The following GNAO1 variants were observed in gnomAD, a reference collection of about 807,000 sequenced individuals.
GNAO1 encodes the protein G protein subunit alpha o1, also known as guanine nucleotide-binding protein G(o) subunit alpha.
For missense variants in GNAO1, 166 were observed against 478.7 expected, an observed-to-expected ratio of 0.35 and a Z score of 6.10; for synonymous variants, 164 against 180.7, an observed-to-expected ratio of 0.91 and a Z score of 0.74.
chr16:56,278,553 AGTACCTGCTG>A lies in GNAO1; in HGVS notation c.303+2484_303+2493del, dbSNP rs569274635. Among the ~76,000 whole-genome samples, 20 of 152,288 alleles carry A rather than the reference AGTACCTGCTG, an allele frequency of 1.3e-4. No individual in the cohort carries two copies. In the East Asian group the frequency reaches 3.7e-3, roughly 28 times the overall value. ...GACATGCCAGGCCAGAAAGGGCTGC[AGTACCTGCTG>A]GTGTGGGGGCAGCTCAGAGCCAACA... On this transcript the variant is annotated intron_variant, in intron 3 of 8. Transcript: ENST00000262493.
intron 3 of GNAO1, among the ~76,000 whole-genome samples, chr16:56,317,669 G>A (rs1162330739): frequency 2.0e-5 from 3 of 152,146 alleles, no homozygotes; most frequent in African/African-American, 4.8e-5. Context: ...GGTGCACAAG[G>A]TTTGATAGGT....
At chr16:56,192,854 A>G (rs1434626512) in intron 2 of GNAO1, 2 of 551,062 alleles carry the variant, frequency 3.6e-6, no homozygotes, top group African/African-American at 3.8e-5. Flanking sequence ...GAGCGCCTGT[A>G]GTTGTATGAA....
intron 3 of GNAO1, 103 bp downstream of exon 3, chr16:56,276,175 A>T: frequency 1.0e-6 from 1 of 966,280 alleles, no homozygotes; most frequent in South Asian, 1.9e-5. Context: ...ACGAGAAGAG[A>T]CTCCGCTATG....
intron 4 of GNAO1, 128 bp from the exon 5 acceptor site, chr16:56,334,601 T>G: frequency 8.5e-6 from 8 of 940,990 alleles, no homozygotes; most frequent in Admixed American, 4.8e-5. Flanking sequence ...GGAATGGAGG[T>G]GATGTCTTTT....
chr16:56,283,229 A>C (rs539563601), intron 3 of GNAO1, among the ~76,000 whole-genome samples: 1 of 152,166 alleles, frequency 6.6e-6, no homozygotes, highest in Non-Finnish European at 1.5e-5. Context: ...AAGAGACTCA[A>C]GATTTTTCTG....
At position 56,326,078 on chromosome 16, in the gene GNAO1, T is replaced by C. The variant is rs2037629335; in HGVS notation, c.304-2553T>C. On this transcript the variant is annotated intron_variant, in intron 3 of 8. Coordinates refer to ENST00000262493, the MANE Select transcript of GNAO1 (RefSeq NM_020988.3). This position sits in a 1 kb window ranked among gnomAD's most constrained non-coding sequence, Gnocchi z 4.8. ...CCAGGGCCTGGCATGGACTGGAAGC[T>C]GGCCTGGGCTCCACAGGACTCAGGG... 6.6e-6 allele frequency among the ~76,000 whole-genome samples: 1 copy of C among 152,200 alleles called. No homozygotes were observed. The highest frequency in any genetic ancestry group is 1.5e-5 in the Non-Finnish European group (1 of 68,040).
chr16:56,344,458 G>A (rs1439781876), intron 6 of GNAO1: 1 of 997,008 alleles, frequency 1.0e-6, no homozygotes. Flanking sequence ...CTTGGTGTGG[G>A]TTGGAGGACT....
intron 2 of GNAO1, among the ~76,000 whole-genome samples, chr16:56,252,851 T>C (rs1241080043): frequency 2.0e-5 from 3 of 152,122 alleles, no homozygotes; most frequent in East Asian, 3.9e-4. Context: ...CTGTTGCCCT[T>C]GAGTGCATTG....
chr16:56,263,516 A>T (rs150841600), intron 2 of GNAO1, among the ~76,000 whole-genome samples: 10 of 152,310 alleles, frequency 6.6e-5, no homozygotes, highest in African/African-American at 2.4e-4. Context: ...AAAGGCACAG[A>T]ATAATGTAGG....
chr16:56,193,952 G>A, intron 2 of GNAO1: 1 of 365,228 alleles, frequency 2.7e-6, no homozygotes, highest in Non-Finnish European at 5.4e-6. Flanking sequence ...ATTGCATCGC[G>A]TAGGGAAACA....
At chr16:56,202,397 C>T (rs2036289072) in intron 2 of GNAO1, among the ~76,000 whole-genome samples, 1 of 152,052 alleles carries the variant, frequency 6.6e-6, no homozygotes, top group South Asian at 2.1e-4. Flanking sequence ...GAAATGTGGG[C>T]TACAGAAAAA....
At chr16:56,239,032 T>A (rs1486870840) in intron 2 of GNAO1, among the ~76,000 whole-genome samples, 1 of 152,226 alleles carries the variant, frequency 6.6e-6, no homozygotes, top group African/African-American at 2.4e-5. Flanking sequence ...TCTCTGTAAA[T>A]CTCTGGAAGA....
At chr16:56,197,775 T>C (rs1159220142) in intron 2 of GNAO1, among the ~76,000 whole-genome samples, 6 of 152,232 alleles carry the variant, frequency 3.9e-5, no homozygotes, top group Non-Finnish European at 8.8e-5. Context: ...CTTCTTCACA[T>C]GCCACATCTG....
chr16:56,286,324 T>C (rs560901717), intron 3 of GNAO1, among the ~76,000 whole-genome samples: 50 of 152,312 alleles, frequency 3.3e-4, no homozygotes, highest in African/African-American at 1.2e-3. Flanking sequence ...TTAGGACATG[T>C]TGGTTGCAAG....
At chr16:56,295,356 G>A (rs574728325) in intron 3 of GNAO1, among the ~76,000 whole-genome samples, 95 of 152,232 alleles carry the variant, frequency 6.2e-4, no homozygotes, top group Middle Eastern at 6.8e-3. Flanking sequence ...TTTCTGGTGT[G>A]TAATATGAGG....
intron 3 of GNAO1, among the ~76,000 whole-genome samples, chr16:56,309,284 G>A (rs534519042): frequency 2.0e-5 from 3 of 152,178 alleles, no homozygotes; most frequent in Non-Finnish European, 2.9e-5. Context: ...AACTGTGTCC[G>A]GGATATTTGA....
At chr16:56,201,383 G>A (rs186876285) in intron 2 of GNAO1, among the ~76,000 whole-genome samples, 16 of 152,314 alleles carry the variant, frequency 1.1e-4, no homozygotes, top group Admixed American at 7.8e-4. Context: ...TTTGACTAGA[G>A]CAAAATATGT....
chr16:56,344,995 C>T, intron 6 of GNAO1: 1 of 985,396 alleles, frequency 1.0e-6, no homozygotes, highest in Non-Finnish European at 1.2e-6. Flanking sequence ...GGACAGAGGA[C>T]AGCAGGGGGA....
intron 2 of GNAO1, among the ~76,000 whole-genome samples, chr16:56,197,246 A>G (rs74604479): frequency 1.5e-3 from 231 of 152,336 alleles, no homozygotes; most frequent in African/African-American, 5.4e-3. Flanking sequence ...TTCTACTGAG[A>G]GCCACTCTTC....
Sources: gnomAD v4.1 joint callset for allele counts (sites outside exome capture counted in the v4.1 genomes callset) on GRCh38, gnomAD v4.1.1 for gene constraint, Gnocchi (gnomAD v3.1) non-coding constraint, MANE v1.5 for transcripts, NCBI Gene and HGNC (gene_info 2026-07-23, HGNC 2026-07-21) for gene names.